Variants in ADGRL3 observed in about 807,000 individuals in gnomAD.
ADGRL3 encodes calcium-independent alpha-latrotoxin receptor 3.
A neutral mutation model predicts 153.5 loss-of-function variants in ADGRL3; 62 were observed. That is an observed-to-expected ratio of 0.40 (90% CI 0.33 to 0.50). The LOEUF is 0.50. Among genes scored for constraint, ADGRL3 ranks in the 20% least tolerant of loss-of-function variants. The pLI, the probability that ADGRL3 is intolerant of heterozygous loss-of-function variation, is 0.47. For missense variants in ADGRL3, 1,641 were observed against 1,859.4 expected (o/e 0.88, Z 2.16); for synonymous variants, 710 against 672.5 (o/e 1.06, Z -0.86).
At chr4:61,839,030 CTT>C (rs1313879484) in intron 9 of ADGRL3, among the ~76,000 whole-genome samples, 1 of 151,964 alleles carries the variant, frequency 6.6e-6, no homozygotes, top group African/African-American at 2.4e-5. Flanking sequence ...GTTAAGGAAA[CTT>C]GGGTAGGGTG....
chr4:61,603,655 G>GA (rs1267445185), intron 5 of ADGRL3, among the ~76,000 whole-genome samples: 20 of 152,100 alleles, frequency 1.3e-4, no homozygotes, highest in African/African-American at 4.8e-4. Flanking sequence ...TTTTCAGTAA[G>GA]AAAAAATGAA....
At chr4:61,871,577 A>C (rs1283918938) in intron 9 of ADGRL3, among the ~76,000 whole-genome samples, 1 of 152,184 alleles carries the variant, frequency 6.6e-6, no homozygotes, top group Non-Finnish European at 1.5e-5. Flanking sequence ...AAATCCATAA[A>C]GATAGAAAGT....
chr4:61,343,176 G>A (rs1164191919), intron 1 of ADGRL3, among the ~76,000 whole-genome samples: 1 of 152,136 alleles, frequency 6.6e-6, no homozygotes. Flanking sequence ...TTCAAGACGA[G>A]ATTTGGGTGG....
Position 61,373,972 on chromosome 4 carries a change from C to T in ADGRL3, c.-239-9152C>T, listed in dbSNP as rs115500342. On this transcript the variant is annotated intron_variant, in intron 1 of 26. Coordinates refer to ENST00000683033, the MANE Select transcript of ADGRL3 (RefSeq NM_001387552.1). ...ACTTAAAAGTAATGTCCTCAAAAGG[C>T]AGAGTAAAATACCCACACATACACG... is the stretch of plus-strand genomic sequence containing the variant. 4.8e-3 allele frequency among the ~76,000 whole-genome samples: 724 copies of T among 152,160 alleles called. 10 individuals are homozygous for T. The highest frequency in any genetic ancestry group is 0.017 in the African/African-American group (696 of 41,510).
intron 9 of ADGRL3, among the ~76,000 whole-genome samples, chr4:61,877,640 T>C (rs1339680732): frequency 3.3e-5 from 5 of 152,170 alleles, no homozygotes; most frequent in Non-Finnish European, 7.4e-5. Flanking sequence ...GTCTCACCAT[T>C]CTGGAGGCTA....
chr4:61,646,365 T>G (rs551979925), intron 5 of ADGRL3, among the ~76,000 whole-genome samples: 4 of 151,936 alleles, frequency 2.6e-5, no homozygotes, highest in African/African-American at 4.8e-5. Context: ...GGCACTCTGC[T>G]TTTTAGAGTT....
intron 8 of ADGRL3, among the ~76,000 whole-genome samples, chr4:61,797,236 A>C (rs192714156): frequency 6.6e-6 from 1 of 152,156 alleles, no homozygotes; most frequent in East Asian, 1.9e-4. Flanking sequence ...TTTGGTTACA[A>C]CTCTGGTGTC....
chr4:61,641,414 C>A lies in ADGRL3; in HGVS notation c.474-35412C>A, dbSNP rs528396169. Among the ~76,000 whole-genome samples, 13 of 150,692 alleles carry A rather than the reference C, an allele frequency of 8.6e-5. No individual in the cohort carries two copies. The South Asian group carries it at 1.9e-3, about 22-fold the overall frequency. On this transcript the variant is annotated intron_variant, in intron 5 of 26. Transcript: ENST00000683033. Reference sequence around the variant, plus strand: ...ACTCCTCCTCTAGCGTTAGGTATATCTCCCAATGCTATCCCTCCCCCCTCC... The same window carrying A: ...ACTCCTCCTCTAGCGTTAGGTATATATCCCAATGCTATCCCTCCCCCCTCC...
intron 9 of ADGRL3, among the ~76,000 whole-genome samples, chr4:61,835,230 A>C (rs111759235): frequency 3.5e-4 from 53 of 151,490 alleles, no homozygotes; most frequent in African/African-American, 1.3e-3. Flanking sequence ...TTTTTTTTCC[A>C]AAACGAGTTC....
At chr4:61,260,032 T>A (rs1259515572) in intron 1 of ADGRL3, among the ~76,000 whole-genome samples, 3 of 152,230 alleles carry the variant, frequency 2.0e-5, no homozygotes, top group Non-Finnish European at 2.9e-5. Flanking sequence ...CATTGCTGCT[T>A]ATGAGACGTG....
intron 8 of ADGRL3, among the ~76,000 whole-genome samples, chr4:61,798,977 T>G (rs2097449907): frequency 7.5e-6 from 1 of 133,140 alleles, no homozygotes; most frequent in Non-Finnish European, 1.6e-5. Context: ...ATTATAACAT[T>G]ATTATATATT....
At chr4:61,360,569 T>C (rs1485065493) in intron 1 of ADGRL3, among the ~76,000 whole-genome samples, 1 of 152,168 alleles carries the variant, frequency 6.6e-6, no homozygotes, top group Admixed American at 6.5e-5. Flanking sequence ...CTTTTAATCT[T>C]TCATGGTAGT....
rs570901704 is a variant in ADGRL3, at chr4:61,318,407, G to A, written c.-239-64717G>A. 2.6e-5 allele frequency among the ~76,000 whole-genome samples: 4 copies of A among 152,100 alleles called. No individual in the cohort carries two copies. The South Asian group carries it at 8.3e-4, about 32-fold the overall frequency. ...AACATTTTACCTTCTCAGAGCTTCAGTACCCTCATCACAAAAGGGCTATAA... is the reference window on the plus strand; with the variant it reads ...AACATTTTACCTTCTCAGAGCTTCAATACCCTCATCACAAAAGGGCTATAA... On this transcript the variant is annotated intron_variant, in intron 1 of 26. Transcript: ENST00000683033.
intron 6 of ADGRL3, among the ~76,000 whole-genome samples, chr4:61,717,941 G>A (rs1253047638): frequency 1.3e-5 from 2 of 152,102 alleles, no homozygotes; most frequent in Non-Finnish European, 2.9e-5. Flanking sequence ...GGCTGAGGAG[G>A]GAGGATTGCT....
At chr4:61,488,031 G>T (rs2098216526) in intron 2 of ADGRL3, among the ~76,000 whole-genome samples, 1 of 152,022 alleles carries the variant, frequency 6.6e-6, no homozygotes, top group South Asian at 2.1e-4. Flanking sequence ...TCTCAGAAAA[G>T]ATGTTAACTC....
At chr4:61,965,209 G>A (rs2099001779) in intron 17 of ADGRL3, among the ~76,000 whole-genome samples, 1 of 151,842 alleles carries the variant, frequency 6.6e-6, no homozygotes, top group Non-Finnish European at 1.5e-5. Flanking sequence ...ATGTTGCCCA[G>A]GCTGGTCTCG....
intron 16 of ADGRL3, among the ~76,000 whole-genome samples, chr4:61,947,555 C>G (rs559901846): frequency 1.3e-5 from 2 of 152,142 alleles, no homozygotes; most frequent in Admixed American, 1.3e-4. Context: ...ACTTTGGTAA[C>G]CTTTCTACTG....
intron 9 of ADGRL3, among the ~76,000 whole-genome samples, chr4:61,863,680 A>C (rs2098371878): frequency 8.2e-6 from 1 of 121,674 alleles, no homozygotes; most frequent in South Asian, 2.5e-4. Context: ...GAAGGCTTAC[A>C]AATATATCAT....
chr4:61,703,848 T>C (rs1461580141), intron 6 of ADGRL3, among the ~76,000 whole-genome samples: 1 of 138,546 alleles, frequency 7.2e-6, no homozygotes, highest in Non-Finnish European at 1.5e-5. Context: ...TATTTTAGTC[T>C]TTTTTTTTTT....
Sources: allele counts gnomAD v4.1 joint callset (sites outside exome capture counted in the v4.1 genomes callset), GRCh38; gene constraint gnomAD v4.1.1; transcripts MANE v1.5; gene names NCBI Gene and HGNC (gene_info 2026-07-23, HGNC 2026-07-21).